Variants in DPYD observed in about 807,000 individuals in gnomAD.
DPYD encodes the protein dihydropyrimidine dehydrogenase.
In DPYD, 109 loss-of-function variants were observed where a neutral mutation model predicts 116.2. The observed-to-expected ratio is 0.94, with a 90% CI of 0.80 to 1.10. DPYD has a LOEUF of 1.10. Among genes scored for constraint, DPYD ranks in the 50% least tolerant of loss-of-function variants. The probability of loss-of-function intolerance (pLI) is 0.00; values close to 1 mark genes in which losing one functional copy is unlikely to be tolerated. For missense variants in DPYD, 1,302 were observed against 1,254.5 expected (o/e 1.04, Z -0.57); for synonymous variants, 440 against 432.0 (o/e 1.02, Z -0.23).
intron 19 of DPYD, among the ~76,000 whole-genome samples, chr1:97,199,644 A>AT (rs1030811752): frequency 2.6e-5 from 4 of 152,108 alleles, no homozygotes; most frequent in African/African-American, 9.7e-5. Flanking sequence ...CCAAAAAAAA[A>AT]AAGCTTTGGT....
In DPYD at chr1:97,127,778, C is replaced by A. The variant is rs181061732; in HGVS notation, c.2623-29146G>T. 3.3e-5 allele frequency among the ~76,000 whole-genome samples: 5 copies of A among 152,222 alleles called. No homozygotes were observed. In the East Asian group the frequency reaches 9.7e-4, roughly 29 times the overall value. On this transcript the variant is annotated intron_variant, in intron 20 of 22. Coordinates refer to ENST00000370192, the MANE Select transcript of DPYD (RefSeq NM_000110.4). Reference sequence around the variant, plus strand: ...AACATTTCCATTTCTGGAGCCATTTCCTTGTCTTACAGCTCCTGTATTGTT... The same window carrying A: ...AACATTTCCATTTCTGGAGCCATTTACTTGTCTTACAGCTCCTGTATTGTT...
At chr1:97,544,420 C>A (rs1177747062) in intron 12 of DPYD, among the ~76,000 whole-genome samples, 1 of 152,120 alleles carries the variant, frequency 6.6e-6, no homozygotes, top group African/African-American at 2.4e-5. Flanking sequence ...AATCCTTCAA[C>A]CAAATCCAAA....
At chr1:97,262,003 CTT>C (rs911889502) in intron 18 of DPYD, among the ~76,000 whole-genome samples, 4 of 151,786 alleles carry the variant, frequency 2.6e-5, no homozygotes, top group Non-Finnish European at 1.5e-5. Flanking sequence ...GTCTTCTTCT[CTT>C]TGTTTGTTAA....
rs1277056068 is a variant in DPYD, at chr1:97,246,134, G to C, written c.2300-11140C>G. Among the ~76,000 whole-genome samples, 3 of 152,234 alleles carry C rather than the reference G, an allele frequency of 2.0e-5. No individual in the cohort carries two copies. In the East Asian group the frequency reaches 5.8e-4, roughly 29 times the overall value. On this transcript the variant is annotated intron_variant, in intron 18 of 22. Transcript: ENST00000370192. ...AAAACTGACCAGGCACTTTGAAAAA[G>C]AGAGATCCTACTGTTTAGTTGCTCT...
At chr1:97,493,107 A>G (rs1271733138) in intron 13 of DPYD, among the ~76,000 whole-genome samples, 1 of 152,218 alleles carries the variant, frequency 6.6e-6, no homozygotes, top group African/African-American at 2.4e-5. Context: ...AGTGTTTCTA[A>G]AAAATGCACT....
Position 97,719,412 on chromosome 1 carries a change from C to T in DPYD, c.483+2098G>A, listed in dbSNP as rs139446061. Among the ~76,000 whole-genome samples, 599 of 151,902 alleles carry T rather than the reference C, an allele frequency of 3.9e-3. 4 individuals carry two copies. The highest frequency in any genetic ancestry group is 7.8e-3 in the African/African-American group (323 of 41,480). On this transcript the variant is annotated intron_variant, in intron 5 of 22. Coordinates refer to ENST00000370192, the MANE Select transcript of DPYD (RefSeq NM_000110.4). ...TACTATTGTAATCTGCTTTCCTAAC[C>T]TTTGCTTAATTTGGTTGAAAAAATA...
At chr1:97,314,854 CT>C (rs1180489176) in intron 16 of DPYD, among the ~76,000 whole-genome samples, 2 of 151,958 alleles carry the variant, frequency 1.3e-5, no homozygotes, top group Non-Finnish European at 2.9e-5. Context: ...CAATGAACAC[CT>C]TCTGCCCACA....
At chr1:97,443,523 A>G (rs1208989111) in intron 14 of DPYD, among the ~76,000 whole-genome samples, 1 of 152,202 alleles carries the variant, frequency 6.6e-6, no homozygotes, top group Non-Finnish European at 1.5e-5. Context: ...ATCAACAGAA[A>G]CAAGGACTTG....
At chr1:97,887,961 T>C (rs898591352) in intron 1 of DPYD, among the ~76,000 whole-genome samples, 2 of 152,070 alleles carry the variant, frequency 1.3e-5, no homozygotes, top group African/African-American at 2.4e-5. Flanking sequence ...TCTGCCATGA[T>C]TGTAAGTTCC....
chr1:97,258,421 T>C (rs1246013522), intron 18 of DPYD, among the ~76,000 whole-genome samples: 1 of 152,172 alleles, frequency 6.6e-6, no homozygotes, highest in African/African-American at 2.4e-5. Flanking sequence ...CCGCCTTCCA[T>C]CCTTCAGGGG....
At chr1:97,464,084 C>CA (rs911993214) in intron 13 of DPYD, among the ~76,000 whole-genome samples, 8 of 151,650 alleles carry the variant, frequency 5.3e-5, no homozygotes, top group African/African-American at 1.5e-4. Flanking sequence ...ACTAAAAATA[C>CA]AAAAAATAGC....
intron 8 of DPYD, among the ~76,000 whole-genome samples, chr1:97,619,035 T>C (rs1656472241): frequency 6.6e-6 from 1 of 152,190 alleles, no homozygotes; most frequent in Non-Finnish European, 1.5e-5. Context: ...CTATTTGATG[T>C]GGATATCCAC....
intron 8 of DPYD, among the ~76,000 whole-genome samples, chr1:97,608,046 G>A (rs1462453751): frequency 2.0e-5 from 3 of 151,870 alleles, no homozygotes; most frequent in African/African-American, 7.3e-5. Flanking sequence ...AAGAAGAAAG[G>A]GGAAAACTCT....
chr1:97,346,271 A>G (rs1045331386), intron 16 of DPYD, among the ~76,000 whole-genome samples: 1 of 151,818 alleles, frequency 6.6e-6, no homozygotes, highest in Non-Finnish European at 1.5e-5. Flanking sequence ...TATCTCTTCT[A>G]CCATAAATGG....
chr1:97,898,060 A>G (rs964171471), intron 1 of DPYD, among the ~76,000 whole-genome samples: 2 of 151,668 alleles, frequency 1.3e-5, no homozygotes, highest in South Asian at 4.2e-4. Context: ...ATCAAGCAGC[A>G]TTTGCTCTGG....
At chr1:97,824,720 A>T (rs1669144398) in intron 3 of DPYD, among the ~76,000 whole-genome samples, 1 of 152,076 alleles carries the variant, frequency 6.6e-6, no homozygotes, top group Non-Finnish European at 1.5e-5. Flanking sequence ...GTCTAGTCTT[A>T]CTCTGTTAGA....
chr1:97,672,281 C>T (rs77140627), intron 8 of DPYD, among the ~76,000 whole-genome samples: 1,754 of 152,202 alleles, frequency 0.012, 29 homozygotes, highest in African/African-American at 0.04. Flanking sequence ...CCATTGCCTG[C>T]TTCTGCAGAT....
intron 21 of DPYD, among the ~76,000 whole-genome samples, chr1:97,082,963 G>C (rs1486715296): frequency 6.6e-6 from 1 of 152,082 alleles, no homozygotes; most frequent in Non-Finnish European, 1.5e-5. Flanking sequence ...AAAAAGTGCT[G>C]TGATAGAATA....
intron 3 of DPYD, among the ~76,000 whole-genome samples, chr1:97,773,444 G>A (rs557788188): frequency 8.5e-5 from 13 of 152,288 alleles, no homozygotes; most frequent in African/African-American, 4.8e-5. Context: ...TTCTACCCTC[G>A]GGCCTGTGGC....
Sources: gnomAD v4.1 joint callset for allele counts (sites outside exome capture counted in the v4.1 genomes callset) on GRCh38, gnomAD v4.1.1 for gene constraint, MANE v1.5 for transcripts, NCBI Gene and HGNC (gene_info 2026-07-23, HGNC 2026-07-21) for gene names.